Variants in CTNND2 observed in about 807,000 individuals in gnomAD.
CTNND2 encodes the protein catenin delta 2, also known as catenin delta-2.
Under a neutral mutation model 144.4 loss-of-function variants are expected in CTNND2, and 22 were observed. That is an observed-to-expected ratio of 0.15 (90% confidence interval 0.11 to 0.22). CTNND2 has a LOEUF of 0.22. CTNND2 is among the 10% of genes least tolerant of loss of function. The pLI, the probability that CTNND2 is intolerant of heterozygous loss-of-function variation, is 1.00. For synonymous variants in CTNND2, 751 were observed against 695.6 expected, an observed-to-expected ratio of 1.08 and a Z score of -1.25; for missense variants, 1,353 against 1,618.8, an observed-to-expected ratio of 0.84 and a Z score of 2.82.
chr5:11,662,849 C>T (rs75573501), intron 2 of CTNND2, among the ~76,000 whole-genome samples: 54 of 152,204 alleles, frequency 3.5e-4, no homozygotes, highest in African/African-American at 1.3e-3. Flanking sequence ...AACTGTCTTC[C>T]GCAAAACTGG....
chr5:11,873,363 A>G lies in CTNND2; in HGVS notation c.37+30454T>C, dbSNP rs143782742. On this transcript the variant is annotated intron_variant, in intron 1 of 21. Coordinates refer to ENST00000304623, the MANE Select transcript of CTNND2 (RefSeq NM_001332.4). The stretch of plus-strand genomic sequence containing the variant: ...CCCAAAACATAGCTGCATTTTGCAC[A>G]TCAAATAAGGCAGCATGCAGAGGTT... Among the ~76,000 whole-genome samples, 1,428 of 152,350 alleles carry G rather than the reference A, an allele frequency of 9.4e-3. 11 individuals are homozygous for G. Among genetic ancestry groups the G allele is most frequent in the Middle Eastern group, 0.017 (5 of 294 alleles).
chr5:11,524,516 T>C (rs1231705621), intron 3 of CTNND2, among the ~76,000 whole-genome samples: 1 of 152,186 alleles, frequency 6.6e-6, no homozygotes, highest in Non-Finnish European at 1.5e-5. Context: ...AGGACGCTCC[T>C]GGTGACACAG....
At chr5:11,050,874 C>A (rs551351270) in intron 16 of CTNND2, among the ~76,000 whole-genome samples, 1 of 152,212 alleles carries the variant, frequency 6.6e-6, no homozygotes, top group Admixed American at 6.5e-5. Flanking sequence ...ACCAGGGGTG[C>A]TCCACTTCTG....
At chr5:11,445,992 A>T (rs1456565190) in intron 3 of CTNND2, among the ~76,000 whole-genome samples, 1 of 152,194 alleles carries the variant, frequency 6.6e-6, no homozygotes, top group African/African-American at 2.4e-5. Context: ...TTGTTTTGAG[A>T]TGGGACTCTC....
chr5:10,986,638 C>G (rs750525708), intron 20 of CTNND2: 1 of 456,106 alleles, frequency 2.2e-6, no homozygotes, highest in South Asian at 1.5e-5. Flanking sequence ...GAATAGTAAC[C>G]TAGAGTCCAT....
intron 1 of CTNND2, among the ~76,000 whole-genome samples, chr5:11,779,624 C>T (rs1377496383): frequency 6.6e-6 from 1 of 152,208 alleles, no homozygotes; most frequent in Non-Finnish European, 1.5e-5. Flanking sequence ...ATTACAGCTT[C>T]TCCTGCACTT....
chr5:11,622,304 G>A (rs1297643572), intron 2 of CTNND2, among the ~76,000 whole-genome samples: 1 of 152,084 alleles, frequency 6.6e-6, no homozygotes, highest in Non-Finnish European at 1.5e-5. Flanking sequence ...AAAAGTAAAT[G>A]AACTTATTTT....
chr5:11,194,303 G>A (rs1216648455), intron 11 of CTNND2, among the ~76,000 whole-genome samples: 1 of 152,132 alleles, frequency 6.6e-6, no homozygotes, highest in African/African-American at 2.4e-5. Flanking sequence ...GTGATTGAAA[G>A]GAAGTAGTCA....
intron 3 of CTNND2, among the ~76,000 whole-genome samples, chr5:11,443,127 T>C (rs1342528098): frequency 1.3e-5 from 2 of 151,314 alleles, no homozygotes; most frequent in East Asian, 3.9e-4. Context: ...AGGTCACTTT[T>C]GTTTATTACA....
chr5:11,598,508 C>A (rs921317635), intron 2 of CTNND2, among the ~76,000 whole-genome samples: 16 of 152,086 alleles, frequency 1.1e-4, no homozygotes, highest in African/African-American at 3.4e-4. Flanking sequence ...ATTTTAAAAT[C>A]CTTTATCTGA....
At chr5:11,075,267 T>C (rs911177253) in intron 16 of CTNND2, among the ~76,000 whole-genome samples, 6 of 152,080 alleles carry the variant, frequency 3.9e-5, no homozygotes, top group Non-Finnish European at 7.4e-5. Context: ...TTGTGCTCCT[T>C]TTGAGGTTGG....
chr5:11,414,477 T>A (rs1163244492), intron 3 of CTNND2, among the ~76,000 whole-genome samples: 1 of 152,202 alleles, frequency 6.6e-6, no homozygotes, highest in African/African-American at 2.4e-5. Context: ...TTCACAACAA[T>A]CACAAATCTC....
chr5:11,657,946 T>C (rs1783000927), intron 2 of CTNND2, among the ~76,000 whole-genome samples: 1 of 152,194 alleles, frequency 6.6e-6, no homozygotes, highest in African/African-American at 2.4e-5. Context: ...CTTAACTTTA[T>C]GACTTTTGTT....
chr5:11,617,462 A>T (rs1423093677), intron 2 of CTNND2, among the ~76,000 whole-genome samples: 2 of 152,158 alleles, frequency 1.3e-5, no homozygotes, highest in Non-Finnish European at 2.9e-5. Flanking sequence ...TCCATCATTC[A>T]TTCATCATAT....
In CTNND2 at chr5:11,797,171, CA is replaced by C. The variant is rs577489808; in HGVS notation, c.38-64900del. 4.5e-3 allele frequency among the ~76,000 whole-genome samples: 683 copies of C among 152,298 alleles called. 9 individuals are homozygous for C. Among genetic ancestry groups the C allele is most frequent in the African/African-American group, 0.016 (660 of 41,566 alleles). On this transcript the variant is annotated intron_variant, in intron 1 of 21. Coordinates refer to ENST00000304623, the MANE Select transcript of CTNND2 (RefSeq NM_001332.4). The stretch of plus-strand genomic sequence containing the variant: ...TCCTAAATGAGATCTCCTAATAAAA[CA>C]ACTAGGAAAAGACTTTAAAAGTCTC...
At position 10,972,349 on chromosome 5, in the gene CTNND2, C is replaced by G. The variant is rs1735934451; in HGVS notation, c.*1104G>C. The stretch of plus-strand genomic sequence containing the variant: ...CTGATGTACATTTATACTAAAAAAC[C>G]AAAAACAAAGTTTGTACAAGATGAA... On this transcript the variant is annotated 3_prime_UTR_variant, in exon 22 of 22. Transcript: ENST00000304623. 6.6e-6 allele frequency: 1 copy of G among 152,176 alleles called. No homozygotes were observed. The allele number at this position is 152,176 out of a possible 1,614,324, so 9.4% of individuals were successfully genotyped here. A position where few individuals can be genotyped will look rare whatever the true frequency, so the allele number is the denominator to read the frequency against.
intron 1 of CTNND2, among the ~76,000 whole-genome samples, chr5:11,857,497 T>A (rs1434278185): frequency 1.3e-5 from 2 of 152,150 alleles, no homozygotes; most frequent in East Asian, 1.9e-4. Context: ...GACAATACGA[T>A]CTGATGACCC....
intron 18 of CTNND2, among the ~76,000 whole-genome samples, chr5:11,013,711 G>A (rs1309566536): frequency 6.6e-6 from 1 of 152,226 alleles, no homozygotes. Flanking sequence ...TGACATTAAA[G>A]CCATTTGGGA....
intron 11 of CTNND2, among the ~76,000 whole-genome samples, chr5:11,187,239 A>G (rs968354642): frequency 3.9e-5 from 6 of 152,200 alleles, no homozygotes; most frequent in Non-Finnish European, 5.9e-5. Flanking sequence ...CTCCCTTAAA[A>G]AGACTGTTTA....
Sources: allele counts gnomAD v4.1 joint callset (sites outside exome capture counted in the v4.1 genomes callset), GRCh38; gene constraint gnomAD v4.1.1; transcripts MANE v1.5; gene names NCBI Gene and HGNC (gene_info 2026-07-23, HGNC 2026-07-21).